Variants in NRG2 observed in about 807,000 individuals in gnomAD.
The protein encoded by NRG2 is pro-neuregulin-2, membrane-bound isoform.
A neutral mutation model predicts 73.9 loss-of-function variants in NRG2; 27 were observed. That is an observed-to-expected ratio of 0.37 (90% CI 0.27 to 0.50). NRG2 has a LOEUF of 0.50. Ranked by LOEUF, NRG2 falls within the 20% of genes least tolerant of loss-of-function variation. NRG2 has a pLI of 0.96. For synonymous variants in NRG2, 532 were observed against 541.0 expected (o/e 0.98, Z 0.23); for missense variants, 1,126 against 1,210.1 (o/e 0.93, Z 1.03).
At chr5:139,893,885 T>C (rs1377234540) in intron 1 of NRG2, among the ~76,000 whole-genome samples, 1 of 152,216 alleles carries the variant, frequency 6.6e-6, no homozygotes, top group Admixed American at 6.5e-5. Context: ...ATGGTTGCCA[T>C]GAGTTGGGCC....
chr5:139,914,773 A>G (rs1173665271), intron 1 of NRG2, among the ~76,000 whole-genome samples: 1 of 152,096 alleles, frequency 6.6e-6, no homozygotes, highest in East Asian at 1.9e-4. Context: ...TGCCCGCCCC[A>G]CCCACTAGCT....
At chr5:139,872,479 C>T (rs1274304883) in intron 3 of NRG2, among the ~76,000 whole-genome samples, 3 of 152,184 alleles carry the variant, frequency 2.0e-5, no homozygotes, top group Non-Finnish European at 4.4e-5. Flanking sequence ...TACTATGCCC[C>T]ATCTCCATAA....
intron 1 of NRG2, among the ~76,000 whole-genome samples, chr5:139,942,853 T>A (rs999412015): frequency 2.6e-5 from 4 of 152,352 alleles, no homozygotes; most frequent in South Asian, 4.1e-4. Flanking sequence ...ACTATTTATT[T>A]ATTTATTGAA....
intron 1 of NRG2, among the ~76,000 whole-genome samples, chr5:139,903,047 A>G (rs141622065): frequency 9.3e-4 from 142 of 152,338 alleles, no homozygotes; most frequent in African/African-American, 3.2e-3. Context: ...GAGACCTCAG[A>G]GCCTTGCTAC....
chr5:139,928,247 A>G (rs1213553482), intron 1 of NRG2, among the ~76,000 whole-genome samples: 1 of 152,180 alleles, frequency 6.6e-6, no homozygotes, highest in East Asian at 1.9e-4. Context: ...GTCTTGCCCC[A>G]TAAGAGCAAT....
chr5:139,950,316 T>C (rs963110951), intron 1 of NRG2, among the ~76,000 whole-genome samples: 5 of 152,188 alleles, frequency 3.3e-5, no homozygotes, highest in Non-Finnish European at 7.3e-5. Context: ...TGCCTGTCCC[T>C]TGGGAGCTGG....
intron 1 of NRG2, among the ~76,000 whole-genome samples, chr5:139,994,002 T>C (rs1456834633): frequency 2.0e-5 from 3 of 152,190 alleles, no homozygotes; most frequent in African/African-American, 7.2e-5. Flanking sequence ...GTGTTTACTA[T>C]ATAAAAAAGT....
intron 1 of NRG2, among the ~76,000 whole-genome samples, chr5:139,938,957 GAAAA>G (rs1344045210): frequency 9.3e-6 from 1 of 107,418 alleles, no homozygotes; most frequent in Non-Finnish European, 2.0e-5. Context: ...AAGAAAGAAA[GAAAA>G]AAGAAGGAAG....
intron 1 of NRG2, among the ~76,000 whole-genome samples, chr5:139,957,923 A>G (rs1177724071): frequency 1.3e-5 from 2 of 152,034 alleles, no homozygotes; most frequent in Non-Finnish European, 2.9e-5. Flanking sequence ...TCCACTTCCT[A>G]TGGGCGCTTA....
intron 1 of NRG2, among the ~76,000 whole-genome samples, chr5:139,974,141 A>G (rs1197584050): frequency 1.3e-5 from 2 of 152,154 alleles, no homozygotes; most frequent in African/African-American, 4.8e-5. Flanking sequence ...GGAGATAAAA[A>G]TGTTTCATTC....
chr5:139,999,239 C>T (rs114669470), intron 1 of NRG2, among the ~76,000 whole-genome samples: 2,011 of 152,304 alleles, frequency 0.013, 46 homozygotes, highest in African/African-American at 0.046. Flanking sequence ...CTGCCTCATT[C>T]CCCTTATGCC....
At chr5:139,866,736 C>T (rs781266926) in intron 4 of NRG2, among the ~76,000 whole-genome samples, 1 of 152,222 alleles carries the variant, frequency 6.6e-6, no homozygotes, top group Non-Finnish European at 1.5e-5. Flanking sequence ...AAGCACCCCC[C>T]ACTCAATCTC....
intron 1 of NRG2, among the ~76,000 whole-genome samples, chr5:139,975,685 G>A (rs1756332652): frequency 6.6e-6 from 1 of 152,170 alleles, no homozygotes; most frequent in African/African-American, 2.4e-5. Context: ...GGCTGAGACT[G>A]TCTTGCCAAG....
intron 1 of NRG2, among the ~76,000 whole-genome samples, chr5:139,979,716 G>A (rs905842723): frequency 2.0e-5 from 3 of 152,168 alleles, no homozygotes; most frequent in Non-Finnish European, 4.4e-5. Context: ...TCCTGCCAAC[G>A]ACACATGAGT....
chr5:139,943,999 A>G (rs1753604145), intron 1 of NRG2, among the ~76,000 whole-genome samples: 1 of 152,192 alleles, frequency 6.6e-6, no homozygotes, highest in Non-Finnish European at 1.5e-5. Context: ...CACAAATATT[A>G]TTCTTTGTAC....
At chr5:140,042,333 T>C (rs1581010456) in intron 1 of NRG2, 37 bp downstream of exon 1, 3 of 871,150 alleles carry the variant, frequency 3.4e-6, no homozygotes, top group African/African-American at 2.4e-5. Context: ...ACCTCGCCCC[T>C]CCCCCCTTTC....
At position 140,031,318 on chromosome 5, in the gene NRG2, C is replaced by CAAACAGACTGTGA. The variant is rs1761133243; in HGVS notation, c.700+11039_700+11051dup. Among the ~76,000 whole-genome samples the CAAACAGACTGTGA allele has an allele frequency of 2.0e-5, 3 of 152,216 alleles. No homozygotes were observed. In the South Asian group the frequency reaches 6.2e-4, roughly 32 times the overall value. ...GAGAGGGTCAGAAGTAAAACCCATA[C>CAAACAGACTGTGA]AAACAGACTGTGAAAAAGAAACCAA... On this transcript the variant is annotated intron_variant, in intron 1 of 9. Transcript: ENST00000361474.
At position 139,887,826 on chromosome 5, in the gene NRG2, T is replaced by TG. The variant is rs1368120618; in HGVS notation, c.701-316dup. ...AGCAATGGTTAAACCCACTTACAGA[T>TG]GGGGAAACAGAGGCTCGGAATGGTG... is the stretch of plus-strand genomic sequence containing the variant. On this transcript the variant is annotated intron_variant, in intron 1 of 9. Transcript: ENST00000361474. The surrounding 1 kb of genome is among the most constrained non-coding windows in gnomAD (Gnocchi z 4.5). 1.3e-5 allele frequency among the ~76,000 whole-genome samples: 2 copies of TG among 152,106 alleles called. No individual in the cohort carries two copies. The highest frequency in any genetic ancestry group is 1.3e-4 in the Admixed American group (2 of 15,262).
At chr5:139,919,127 C>T (rs959013023) in intron 1 of NRG2, among the ~76,000 whole-genome samples, 19 of 152,278 alleles carry the variant, frequency 1.2e-4, no homozygotes, top group Admixed American at 1.0e-3. Context: ...TCTGCAATCT[C>T]AGCACAGATT....
Sources: gnomAD v4.1 joint callset for allele counts (sites outside exome capture counted in the v4.1 genomes callset) on GRCh38, gnomAD v4.1.1 for gene constraint, Gnocchi (gnomAD v3.1) non-coding constraint, MANE v1.5 for transcripts, NCBI Gene and HGNC (gene_info 2026-07-23, HGNC 2026-07-21) for gene names.